The following PLA2G4D variants were observed in gnomAD, a reference collection of about 807,000 sequenced individuals.
PLA2G4D encodes phospholipase A2 group IVD.
A neutral mutation model predicts 94.4 loss-of-function variants in PLA2G4D; 80 were observed. The ratio of observed to expected loss-of-function variants is 0.85; its 90% CI spans 0.71 to 1.02. PLA2G4D has a LOEUF of 1.02. PLA2G4D is among the 50% of genes least tolerant of loss of function. The pLI, the probability that PLA2G4D is intolerant of heterozygous loss-of-function variation, is 0.00. For missense variants in PLA2G4D, 1,050 were observed against 1,034.7 expected (o/e 1.01, Z -0.20); for synonymous variants, 438 against 440.9 (o/e 0.99, Z 0.08).
At chr15:42,093,759 G>A (rs1890287533) in intron 1 of PLA2G4D, among the ~76,000 whole-genome samples, 1 of 152,194 alleles carries the variant, frequency 6.6e-6, no homozygotes, top group South Asian at 2.1e-4. Flanking sequence ...CTGCATATGA[G>A]GCAAAGGACC....
At position 42,078,011 on chromosome 15, in the gene PLA2G4D, G is replaced by A. The variant is rs542334737; in HGVS notation, c.1317+1526C>T. On this transcript the variant is annotated intron_variant, in intron 13 of 19. Transcript: ENST00000290472. ...TCCCTGGCAACAACCTGGAAGTTAC[G>A]ACCTTTTTCTAGAAATTTCTGAATA... 5.6e-4 allele frequency among the ~76,000 whole-genome samples: 85 copies of A among 152,358 alleles called. 1 individual carries two copies. Among genetic ancestry groups the A allele is most frequent in the Non-Finnish European group, 2.2e-4 (15 of 68,040 alleles).
chr15:42,071,720 C>G, intron 15 of PLA2G4D, 54 bp downstream of exon 15: 1 of 1,597,950 alleles, frequency 6.3e-7, no homozygotes, highest in Non-Finnish European at 8.5e-7. Flanking sequence ...GACCCATGTC[C>G]ATTCAGACAC....
intron 1 of PLA2G4D, among the ~76,000 whole-genome samples, chr15:42,091,418 G>A (rs199844951): frequency 1.3e-5 from 2 of 151,962 alleles, no homozygotes; most frequent in Admixed American, 6.6e-5. Context: ...GAAGACAAGA[G>A]TGCGAGCCTT....
chr15:42,084,772 C>T lies in PLA2G4D; in HGVS notation c.471+324G>A, dbSNP rs1890108406. 6.6e-6 allele frequency among the ~76,000 whole-genome samples: 1 copy of T among 152,194 alleles called. No individual in the cohort carries two copies. ...CCTGGCCTACCTGATTTCTTCACCG[C>T]TTCCCAGGGAAGCACTCAGTCAATC... On this transcript the variant is annotated intron_variant, in intron 6 of 19. Coordinates refer to ENST00000290472, the MANE Select transcript of PLA2G4D (RefSeq NM_178034.4). The surrounding 1 kb of genome is among the most constrained non-coding windows in gnomAD (Gnocchi z 4.8).
Position 42,086,326 on chromosome 15 carries a change from T to A in PLA2G4D, c.274A>T (p.Ile92Phe). 6.2e-7 allele frequency: 1 copy of A among 1,613,734 alleles called. No individual in the cohort carries two copies. Among genetic ancestry groups the A allele is most frequent in the Non-Finnish European group, 8.5e-7 (1 of 1,179,936 alleles). Residue 92 changes from isoleucine (I) to phenylalanine (F), a missense_variant, in exon 4 of 20, where the codon ATC (isoleucine) becomes TTC (phenylalanine). Transcript: ENST00000290472. ...TCCGTGACTGAGTCCTCATCATAGA[T>A]GCTAAGCTCCAGAACATTCTAGGAA... is the stretch of plus-strand genomic sequence containing the variant. The part of the protein sequence containing the change: ...SQVKNVLELS[I>F]YDEDSVTEDD...
Position 42,084,532 on chromosome 15 carries a change from G to A in PLA2G4D, c.471+564C>T, listed in dbSNP as rs1890102754. On this transcript the variant is annotated intron_variant, in intron 6 of 19. Coordinates refer to ENST00000290472, the MANE Select transcript of PLA2G4D (RefSeq NM_178034.4). This position sits in a 1 kb window ranked among gnomAD's most constrained non-coding sequence, Gnocchi z 4.8. ...GTCTGTGCTGCTGGTCTGGGTCACT[G>A]TGATAATCGAGCGCGTCGCCCGCTC... Among the ~76,000 whole-genome samples, 1 of 152,174 alleles carries A rather than the reference G, an allele frequency of 6.6e-6. No homozygotes were observed. Among genetic ancestry groups the A allele is most frequent in the South Asian group, 2.1e-4 (1 of 4,832 alleles).
chr15:42,069,064 C>A, intron 19 of PLA2G4D, 123 bp from the exon 20 acceptor site: 1 of 780,578 alleles, frequency 1.3e-6, no homozygotes, highest in Non-Finnish European at 2.0e-6. Context: ...TCTCTGTGTC[C>A]TTTGCCCAGG....
chr15:42,085,151 A>C lies in PLA2G4D; in HGVS notation c.429-13T>G. On this transcript the variant is annotated splice_polypyrimidine_tract_variant and intron_variant, in intron 5 of 19. Transcript: ENST00000290472. ...TGGGCGATCTGACCTGGAAAAATCA[A>C]ACCATGCAAAGGCAAACGCTTCCTG... 1 of 1,614,196 alleles carries C rather than the reference A, an allele frequency of 6.2e-7. No homozygotes were observed. The highest frequency in any genetic ancestry group is 1.1e-5 in the South Asian group (1 of 91,076).
At chr15:42,093,192 C>T (rs1428575094) in intron 1 of PLA2G4D, among the ~76,000 whole-genome samples, 1 of 152,196 alleles carries the variant, frequency 6.6e-6, no homozygotes, top group Non-Finnish European at 1.5e-5. Context: ...CCACAGGAAC[C>T]GACTTGAAGG....
chr15:42,082,018 G>A (rs1357190355), intron 9 of PLA2G4D, among the ~76,000 whole-genome samples, 184 bp from the exon 10 acceptor site: 4 of 140,176 alleles, frequency 2.9e-5, no homozygotes, highest in South Asian at 2.3e-4. Flanking sequence ...TGCAACCTCC[G>A]CCTCCTGGGT....
At chr15:42,071,693 C>G in intron 15 of PLA2G4D, 81 bp downstream of exon 15, 1 of 1,329,226 alleles carries the variant, frequency 7.5e-7, no homozygotes, top group Non-Finnish European at 1.1e-6. Context: ...TGAGGTTCTG[C>G]CCCACCTGAG....
intron 5 of PLA2G4D, 149 bp downstream of exon 5, chr15:42,085,342 G>A (rs747009287): frequency 1.8e-5 from 19 of 1,064,268 alleles, no homozygotes; most frequent in Non-Finnish European, 2.6e-5. Context: ...GTTTCCCTAA[G>A]AGAAGCCCCG....
intron 1 of PLA2G4D, among the ~76,000 whole-genome samples, chr15:42,094,102 T>C (rs1018523778): frequency 5.9e-5 from 9 of 152,076 alleles, no homozygotes; most frequent in Non-Finnish European, 1.2e-4. Context: ...GCTGTGGGCC[T>C]GGTGGGTCTC....
In PLA2G4D at chr15:42,094,547, G is replaced by C; in HGVS notation, c.-88C>G. 1 of 1,506,216 alleles carries C rather than the reference G, an allele frequency of 6.6e-7. No individual in the cohort carries two copies. The highest frequency in any genetic ancestry group is 9.2e-7 in the Non-Finnish European group (1 of 1,091,452). 93.3% of individuals were successfully genotyped at this position (1,506,216 alleles called of 1,614,324 possible). ...TGGCAGCGACGGTCCCAGTGGGATA[G>C]GACCAGCATGAATCTGCCAGCCTTC... is the stretch of plus-strand genomic sequence containing the variant. On this transcript the variant is annotated 5_prime_UTR_variant, in exon 1 of 20. Coordinates refer to ENST00000290472, the MANE Select transcript of PLA2G4D (RefSeq NM_178034.4).
intron 12 of PLA2G4D, among the ~76,000 whole-genome samples, chr15:42,080,412 G>A (rs10775125): frequency 0.32 from 48,516 of 152,122 alleles, 8,539 homozygotes; most frequent in Admixed American, 0.44. Context: ...GTCATGCTGC[G>A]GGGTGAGGGC....
chr15:42,070,862 G>C lies in PLA2G4D; in HGVS notation c.1898C>G (p.Pro633Arg), dbSNP rs776916762. 2 of 1,611,970 alleles carry C rather than the reference G, an allele frequency of 1.2e-6. No individual in the cohort carries two copies. Among genetic ancestry groups the C allele is most frequent in the African/African-American group, 2.7e-5 (2 of 75,024 alleles). ...GGGCTCCTTGGGGGTCAGCTGGCTG[G>C]GCATGGAGTCAAGCTGGTAGTCTGG... Reference protein sequence around the residue: ...TWADYQLDSMPSQLTPKEPRL... With the variant: ...TWADYQLDSMRSQLTPKEPRL... The change falls in exon 18 of 20, where the codon CCC (proline) becomes CGC (arginine). Residue 633 changes from proline to arginine, a missense_variant. By Grantham distance (103) the Pro-to-Arg change is moderately radical. Transcript: ENST00000290472.
chr15:42,069,028 G>T, intron 19 of PLA2G4D, 87 bp from the exon 20 acceptor site: 1 of 1,224,198 alleles, frequency 8.2e-7, no homozygotes, highest in Non-Finnish European at 1.1e-6. Context: ...TGCCCCCGCT[G>T]GAGGGGCCCC....
At chr15:42,088,906 G>T (rs1050920431) in intron 1 of PLA2G4D, among the ~76,000 whole-genome samples, 2 of 152,134 alleles carry the variant, frequency 1.3e-5, no homozygotes, top group African/African-American at 4.8e-5. Flanking sequence ...GCACATGAAG[G>T]CCTATGAAAT....
chr15:42,079,734 G>C lies in PLA2G4D; in HGVS notation c.1120C>G (p.Pro374Ala). ...TWTMAHLYGD[P>A]EWSQRDLEGP... ...TCCAGGTCCCTCTGCGACCACTCAG[G>C]GTCCCCGTACAGGTGGGCCATTGTC... Residue 374 changes from proline (P) to alanine (A), a missense_variant, in exon 13 of 20, where the codon CCT becomes GCT. Pro to Ala is a conservative substitution (Grantham distance 27). Transcript: ENST00000290472. 2 of 1,606,324 alleles carry C rather than the reference G, an allele frequency of 1.2e-6. No homozygotes were observed. The highest frequency in any genetic ancestry group is 1.7e-6 in the Non-Finnish European group (2 of 1,177,236).
Sources: allele counts gnomAD v4.1 joint callset (sites outside exome capture counted in the v4.1 genomes callset), GRCh38; gene constraint gnomAD v4.1.1; non-coding constraint Gnocchi (gnomAD v3.1); transcripts MANE v1.5; gene names NCBI Gene and HGNC (gene_info 2026-07-23, HGNC 2026-07-21).